The following DNM3 variants were observed in gnomAD, a reference collection of about 807,000 sequenced individuals.
The protein encoded by DNM3 is dynamin 3.
Under a neutral mutation model 101.6 loss-of-function variants are expected in DNM3, and 47 were observed. The ratio of observed to expected loss-of-function variants is 0.46; its 90% confidence interval spans 0.37 to 0.59. DNM3 has a LOEUF of 0.59. Among genes scored for constraint, DNM3 ranks in the 20% least tolerant of loss-of-function variants. The pLI, the probability that DNM3 is intolerant of heterozygous loss-of-function variation, is 0.00. For missense variants in DNM3, 849 were observed against 1,085.7 expected (o/e 0.78, Z 3.06); for synonymous variants, 385 against 387.9 (o/e 0.99, Z 0.09).
At chr1:172,399,162 G>A (rs1340130761) in intron 20 of DNM3, among the ~76,000 whole-genome samples, 2 of 152,066 alleles carry the variant, frequency 1.3e-5, no homozygotes, top group Non-Finnish European at 2.9e-5. Context: ...TGGCCCAGGG[G>A]ACATATTATT....
chr1:172,389,336 A>G (rs1337491470), intron 20 of DNM3: 1 of 157,788 alleles, frequency 6.3e-6, no homozygotes, highest in African/African-American at 2.4e-5. Flanking sequence ...TAAAAACTAC[A>G]CATAGAAATT....
chr1:172,003,362 G>T (rs924770090), intron 4 of DNM3, among the ~76,000 whole-genome samples: 12 of 151,816 alleles, frequency 7.9e-5, no homozygotes, highest in Non-Finnish European at 8.8e-5. Flanking sequence ...TTTAAAAGTT[G>T]TTATAAAAAC....
chr1:171,920,446 G>C (rs986641902), intron 1 of DNM3, among the ~76,000 whole-genome samples: 4 of 152,180 alleles, frequency 2.6e-5, no homozygotes, highest in Non-Finnish European at 5.9e-5. Context: ...CTTGTTAAGA[G>C]TACAAATGCT....
intron 4 of DNM3, among the ~76,000 whole-genome samples, chr1:171,991,403 A>G (rs751007624): frequency 2.0e-5 from 3 of 152,072 alleles, no homozygotes; most frequent in Non-Finnish European, 4.4e-5. Context: ...CTTGTGTTCT[A>G]TTAATTTGCT....
At chr1:171,910,090 G>A (rs1488360450) in intron 1 of DNM3, among the ~76,000 whole-genome samples, 2 of 152,204 alleles carry the variant, frequency 1.3e-5, no homozygotes, top group Non-Finnish European at 2.9e-5. Context: ...AATAGTGAGA[G>A]CTCTTAGAGA....
At chr1:172,135,795 A>G (rs997039118) in intron 14 of DNM3, among the ~76,000 whole-genome samples, 1 of 152,096 alleles carries the variant, frequency 6.6e-6, no homozygotes, top group African/African-American at 2.4e-5. Context: ...TATGTCTAAA[A>G]TGTGAATTTT....
chr1:172,285,420 G>A (rs1473757586), intron 15 of DNM3, among the ~76,000 whole-genome samples: 1 of 152,106 alleles, frequency 6.6e-6, no homozygotes, highest in Non-Finnish European at 1.5e-5. Context: ...GGGTGCTGCA[G>A]AGTCTGAATG....
chr1:172,281,151 A>G (rs2063476975), intron 15 of DNM3, among the ~76,000 whole-genome samples: 1 of 152,040 alleles, frequency 6.6e-6, no homozygotes, highest in African/African-American at 2.4e-5. Context: ...TTTTAAAGCT[A>G]TAGAACAAGA....
At chr1:172,099,588 A>G (rs192740753) in intron 13 of DNM3, among the ~76,000 whole-genome samples, 1 of 152,298 alleles carries the variant, frequency 6.6e-6, no homozygotes, top group Non-Finnish European at 1.5e-5. Context: ...AAAGACAAAA[A>G]AAGATGATGT....
At chr1:172,254,511 T>C (rs1327463942) in intron 15 of DNM3, among the ~76,000 whole-genome samples, 1 of 152,138 alleles carries the variant, frequency 6.6e-6, no homozygotes, top group Admixed American at 6.6e-5. Flanking sequence ...GCCTTTGAGA[T>C]CAAAAGGATA....
rs59207214 is a variant in DNM3, at chr1:172,294,080, G to A, written c.1770-14648G>A. Among the ~76,000 whole-genome samples the A allele has an allele frequency of 7.2e-3, 1,091 of 152,272 alleles. 11 individuals are homozygous for A. Among genetic ancestry groups the A allele is most frequent in the African/African-American group, 0.025 (1,035 of 41,558 alleles). On this transcript the variant is annotated intron_variant, in intron 15 of 20. Coordinates refer to ENST00000627582, the MANE Select transcript of DNM3 (RefSeq NM_015569.5). ...ATGGAAACCTAATTGATAGCTAAAA[G>A]CTATGGTAGAAAGGTAATTAGATAA... is the stretch of plus-strand genomic sequence containing the variant.
chr1:171,940,766 T>C (rs1376372869), intron 2 of DNM3, among the ~76,000 whole-genome samples: 2 of 152,184 alleles, frequency 1.3e-5, no homozygotes, highest in Non-Finnish European at 2.9e-5. Context: ...TTGACATGTA[T>C]ATGATATACC....
At chr1:172,153,278 G>A (rs1283385071) in intron 14 of DNM3, among the ~76,000 whole-genome samples, 1 of 152,082 alleles carries the variant, frequency 6.6e-6, no homozygotes, top group Non-Finnish European at 1.5e-5. Flanking sequence ...AAGTTCATAC[G>A]GCAACAGTTT....
intron 17 of DNM3, among the ~76,000 whole-genome samples, chr1:172,353,171 C>A (rs1224824818): frequency 6.6e-6 from 1 of 152,122 alleles, no homozygotes; most frequent in Non-Finnish European, 1.5e-5. Context: ...CTCCTGCCTG[C>A]AAGATGCTGT....
intron 14 of DNM3, among the ~76,000 whole-genome samples, chr1:172,157,604 T>A (rs1217635527): frequency 6.6e-6 from 1 of 152,056 alleles, no homozygotes; most frequent in African/African-American, 2.4e-5. Context: ...TTGAAAATAT[T>A]TGAAAAAAAT....
At chr1:172,290,454 A>T (rs1294584970) in intron 15 of DNM3, among the ~76,000 whole-genome samples, 1 of 152,196 alleles carries the variant, frequency 6.6e-6, no homozygotes, top group Non-Finnish European at 1.5e-5. Flanking sequence ...ACTGCAAATA[A>T]AAAGGCCAAT....
intron 14 of DNM3, among the ~76,000 whole-genome samples, chr1:172,190,074 A>G (rs1433029611): frequency 1.4e-5 from 2 of 147,782 alleles, no homozygotes; most frequent in African/African-American, 5.1e-5. Context: ...AGTTTGTTAC[A>G]TATGTATACA....
At chr1:171,855,466 A>G (rs2125016941) in intron 1 of DNM3, among the ~76,000 whole-genome samples, 1 of 152,270 alleles carries the variant, frequency 6.6e-6, no homozygotes, top group African/African-American at 2.4e-5. Context: ...TCCTTTCCGC[A>G]ATGGTTGAAC....
intron 14 of DNM3, among the ~76,000 whole-genome samples, chr1:172,166,648 A>G (rs1394059754): frequency 6.6e-6 from 1 of 152,124 alleles, no homozygotes; most frequent in Non-Finnish European, 1.5e-5. Flanking sequence ...CATAGTATAC[A>G]ATAAAAAGTG....
Sources: gnomAD v4.1 joint callset for allele counts (sites outside exome capture counted in the v4.1 genomes callset) on GRCh38, gnomAD v4.1.1 for gene constraint, MANE v1.5 for transcripts, NCBI Gene and HGNC (gene_info 2026-07-23, HGNC 2026-07-21) for gene names.